SEC14L1: variants seen among roughly 807,000 people sequenced by gnomAD.
The protein encoded by SEC14L1 is SEC14-like protein 1.
Under a neutral mutation model 85.3 loss-of-function variants are expected in SEC14L1, and 48 were observed. The ratio of observed to expected loss-of-function variants is 0.56; its 90% CI spans 0.45 to 0.72. The LOEUF (loss-of-function observed/expected upper bound fraction) is 0.72, where lower values mean the gene tolerates loss of function less well. Ranked by LOEUF, SEC14L1 falls within the 30% of genes least tolerant of loss-of-function variation. The pLI is 0.00. For synonymous variants in SEC14L1, 391 were observed against 355.5 expected (o/e 1.10, Z -1.12); for missense variants, 682 against 921.4 (o/e 0.74, Z 3.36).
intron 3 of SEC14L1, among the ~76,000 whole-genome samples, chr17:77,146,018 TCA>T (rs896737726): frequency 1.3e-5 from 2 of 152,214 alleles, no homozygotes; most frequent in African/African-American, 4.8e-5. Flanking sequence ...CCAATTCCTG[TCA>T]CATTTCATAG....
At chr17:77,211,804 G>T (rs1976764165) in intron 14 of SEC14L1, 146 bp from the exon 15 acceptor site, 1 of 1,006,636 alleles carries the variant, frequency 9.9e-7, no homozygotes. Context: ...GTGACTCTGG[G>T]GAAAGAGATC....
chr17:77,164,313 A>G (rs1003691441), intron 3 of SEC14L1, among the ~76,000 whole-genome samples: 1 of 151,962 alleles, frequency 6.6e-6, no homozygotes, highest in African/African-American at 2.4e-5. Flanking sequence ...GCTTTAAAAG[A>G]CCTCTCTGGG....
intron 3 of SEC14L1, among the ~76,000 whole-genome samples, chr17:77,119,307 CAAAA>C (rs11356968): frequency 4.8e-5 from 5 of 104,018 alleles, no homozygotes; most frequent in Admixed American, 9.6e-5. Flanking sequence ...GACTCCATCC[CAAAA>C]AAAAAAAAAA....
At chr17:77,144,755 G>A (rs1264067535) in intron 3 of SEC14L1, 1 of 152,182 alleles carries the variant, frequency 6.6e-6, no homozygotes, top group African/African-American at 2.4e-5. Flanking sequence ...TGGGATTACA[G>A]ACCTGCACTA....
intron 15 of SEC14L1, 21 bp downstream of exon 15, chr17:77,212,222 A>G (rs761386106): frequency 6.2e-7 from 1 of 1,610,962 alleles, no homozygotes; most frequent in Non-Finnish European, 8.5e-7. Context: ...ACACAGGTCA[A>G]ATCGCGCATC....
chr17:77,216,542 G>A lies in SEC14L1; in HGVS notation c.*2519G>A, dbSNP rs764860685. Reference sequence around the variant, plus strand: ...CTGCTTTCTCTTTCTCTTTCTCTGTGTCTCAGATGGCGATTTTGCTGACAG... The same window carrying A: ...CTGCTTTCTCTTTCTCTTTCTCTGTATCTCAGATGGCGATTTTGCTGACAG... On this transcript the variant is annotated 3_prime_UTR_variant, in exon 17 of 17. Coordinates refer to ENST00000436233, the MANE Select transcript of SEC14L1 (RefSeq NM_001143998.2). 10 of 1,613,240 alleles carry A rather than the reference G, an allele frequency of 6.2e-6. No homozygotes were observed. The highest frequency in any genetic ancestry group is 8.5e-6 in the Non-Finnish European group (10 of 1,179,422).
chr17:77,178,227 G>A (rs1473240436), intron 3 of SEC14L1, among the ~76,000 whole-genome samples: 1 of 152,030 alleles, frequency 6.6e-6, no homozygotes, highest in Admixed American at 6.6e-5. Context: ...TTGGTTCATA[G>A]CACTCCCATC....
chr17:77,192,214 A>G (rs1975577724), intron 5 of SEC14L1, among the ~76,000 whole-genome samples: 1 of 152,224 alleles, frequency 6.6e-6, no homozygotes, highest in Non-Finnish European at 1.5e-5. Flanking sequence ...TGTCTGTCTC[A>G]GTATCTTCAC....
At chr17:77,179,800 G>A (rs914975334) in intron 3 of SEC14L1, among the ~76,000 whole-genome samples, 2 of 151,336 alleles carry the variant, frequency 1.3e-5, no homozygotes, top group African/African-American at 4.9e-5. Context: ...TCAGCTTCCC[G>A]AGTAGCTGGG....
intron 3 of SEC14L1, among the ~76,000 whole-genome samples, chr17:77,182,867 A>G (rs952978305): frequency 2.0e-5 from 3 of 152,214 alleles, no homozygotes; most frequent in African/African-American, 4.8e-5. Flanking sequence ...GCTTTCCAGA[A>G]AAGTCCAGGT....
Position 77,206,928 on chromosome 17 carries a change from T to G in SEC14L1, c.1476+66T>G. ...GCAGGTGGGAGAGGTCGGTGTCGAT[T>G]TGCACAAATGATTTTCAGAACTTCC... On this transcript the variant is annotated intron_variant, in intron 13 of 16. Coordinates refer to ENST00000436233, the MANE Select transcript of SEC14L1 (RefSeq NM_001143998.2). The surrounding 1 kb of genome is among the most constrained non-coding windows in gnomAD (Gnocchi z 4.3). The G allele has an allele frequency of 7.1e-7, 1 of 1,406,982 alleles. No homozygotes were observed. The highest frequency in any genetic ancestry group is 1.4e-5 in the African/African-American group (1 of 69,070). 87.2% of individuals were successfully genotyped at this position (1,406,982 alleles called of 1,614,324 possible). A position where few individuals can be genotyped will look rare whatever the true frequency, so the allele number is the denominator to read the frequency against.
At chr17:77,110,877 CAAAAAA>C (rs1212651345) in intron 3 of SEC14L1, among the ~76,000 whole-genome samples, 2 of 46,652 alleles carry the variant, frequency 4.3e-5, no homozygotes, top group Non-Finnish European at 3.9e-5. Context: ...GACTCTGTCT[CAAAAAA>C]AAAAAAAAAA....
At chr17:77,129,191 T>C (rs572850) in intron 3 of SEC14L1, among the ~76,000 whole-genome samples, 109,187 of 152,064 alleles carry the variant, frequency 0.72, 40,545 homozygotes, top group African/African-American at 0.91. Flanking sequence ...TTACATAGAG[T>C]CTAACCATTT....
intron 3 of SEC14L1, among the ~76,000 whole-genome samples, chr17:77,111,469 A>T (rs1171625196): frequency 6.6e-6 from 1 of 150,818 alleles, no homozygotes; most frequent in African/African-American, 2.4e-5. Flanking sequence ...AGCCACAGAC[A>T]CTCAAGGCCA....
At chr17:77,111,714 G>T (rs1440950579) in intron 3 of SEC14L1, among the ~76,000 whole-genome samples, 2 of 152,232 alleles carry the variant, frequency 1.3e-5, no homozygotes, top group Non-Finnish European at 2.9e-5. Context: ...TGTAGAGTGG[G>T]TATATTTACC....
In SEC14L1 at chr17:77,194,836, G is replaced by A; in HGVS notation, c.634G>A (p.Ala212Thr). The A allele has an allele frequency of 1.9e-6, 3 of 1,614,206 alleles. No individual in the cohort carries two copies. The highest frequency in any genetic ancestry group is 2.5e-6 in the Non-Finnish European group (3 of 1,180,034). ...CATGGCCGTCGTCATCCCAGAAGCT[G>A]CCCTCAAGGAGGGGCTGAGTGGTGA... ...ASMAVVIPEA[A>T]LKEGLSGDAL... The change falls in exon 7 of 17, where the codon GCC becomes ACC. Residue 212 changes from alanine to threonine, a missense_variant. This residue lies in a region of SEC14L1 where 123 missense variants were observed against 100.6 expected (regional missense o/e 1.22). Coordinates refer to ENST00000436233, the MANE Select transcript of SEC14L1 (RefSeq NM_001143998.2).
At chr17:77,148,607 A>T (rs150976786) in intron 3 of SEC14L1, among the ~76,000 whole-genome samples, 85 of 152,216 alleles carry the variant, frequency 5.6e-4, no homozygotes, top group Admixed American at 5.9e-4. Context: ...CAGCAGACAC[A>T]CCCTTTAGAC....
chr17:77,131,013 A>G (rs1170855073), intron 3 of SEC14L1, among the ~76,000 whole-genome samples: 1 of 152,236 alleles, frequency 6.6e-6, no homozygotes, highest in Non-Finnish European at 1.5e-5. Flanking sequence ...GGAGAAAATT[A>G]GTGACGATGG....
chr17:77,146,452 T>G (rs953057389), intron 3 of SEC14L1, among the ~76,000 whole-genome samples: 3 of 152,238 alleles, frequency 2.0e-5, no homozygotes, highest in Non-Finnish European at 4.4e-5. Flanking sequence ...TTTTCAAAAT[T>G]GTGACGTTTA....
Sources: gnomAD v4.1 joint callset for allele counts (sites outside exome capture counted in the v4.1 genomes callset) on GRCh38, gnomAD v4.1.1 for gene constraint, gnomAD v4.1.1 regional missense constraint, Gnocchi (gnomAD v3.1) non-coding constraint, MANE v1.5 for transcripts, NCBI Gene and HGNC (gene_info 2026-07-23, HGNC 2026-07-21) for gene names.